Variants in TRPC7 observed in about 807,000 individuals in gnomAD.
TRPC7 encodes transient receptor potential cation channel subfamily C member 7.
A neutral mutation model predicts 90.1 loss-of-function variants in TRPC7; 42 were observed. The observed-to-expected ratio is 0.47, with a 90% CI of 0.36 to 0.60. TRPC7 has a LOEUF of 0.60. Among genes scored for constraint, TRPC7 ranks in the 20% least tolerant of loss-of-function variants. TRPC7 has a pLI of 0.00. For synonymous variants in TRPC7, 451 were observed against 436.3 expected (o/e 1.03, Z -0.42); for missense variants, 955 against 1,112.3 (o/e 0.86, Z 2.01).
At chr5:136,349,851 G>A (rs1292052597) in intron 2 of TRPC7, among the ~76,000 whole-genome samples, 2 of 152,162 alleles carry the variant, frequency 1.3e-5, no homozygotes, top group Non-Finnish European at 2.9e-5. Flanking sequence ...CTGCATATAT[G>A]ACAGTGGTCC....
At chr5:136,297,286 T>C (rs945753131) in intron 3 of TRPC7, among the ~76,000 whole-genome samples, 2 of 152,164 alleles carry the variant, frequency 1.3e-5, no homozygotes, top group Non-Finnish European at 2.9e-5. Context: ...ATTTATTCTA[T>C]ATTGTCCACA....
chr5:136,342,585 G>C (rs1359555485), intron 2 of TRPC7, among the ~76,000 whole-genome samples: 3 of 152,090 alleles, frequency 2.0e-5, no homozygotes, highest in Non-Finnish European at 4.4e-5. Context: ...TCAGTCCCTG[G>C]GGCCTACCCT....
intron 3 of TRPC7, among the ~76,000 whole-genome samples, chr5:136,279,077 C>T (rs1289756455): frequency 2.6e-5 from 4 of 152,132 alleles, no homozygotes; most frequent in African/African-American, 9.7e-5. Context: ...CACGGATATT[C>T]AATATCAACT....
intron 4 of TRPC7, among the ~76,000 whole-genome samples, chr5:136,273,871 T>C (rs755514165): frequency 7.9e-5 from 12 of 152,240 alleles, no homozygotes; most frequent in Non-Finnish European, 1.3e-4. Flanking sequence ...GCACTGACTC[T>C]TCCCCGAAGC....
intron 3 of TRPC7, among the ~76,000 whole-genome samples, chr5:136,309,055 G>C (rs1410506457): frequency 6.6e-6 from 1 of 152,194 alleles, no homozygotes; most frequent in African/African-American, 2.4e-5. Flanking sequence ...CAACTGTAGA[G>C]CTAGGGGCAA....
intron 4 of TRPC7, among the ~76,000 whole-genome samples, chr5:136,272,485 G>T (rs995603476): frequency 3.3e-5 from 5 of 152,166 alleles, no homozygotes; most frequent in Non-Finnish European, 5.9e-5. Context: ...CTCAGAGCAA[G>T]TTCAACAGCT....
At position 136,300,668 on chromosome 5, in the gene TRPC7, G is replaced by A. The variant is rs184052645; in HGVS notation, c.963+14929C>T. On this transcript the variant is annotated intron_variant, in intron 3 of 11. Transcript: ENST00000513104. The stretch of plus-strand genomic sequence containing the variant: ...AGAGTGACAAACCCCAAAGGGACAC[G>A]GGTCAGCAATGAAGGACATGGAGAT... 3.9e-3 allele frequency among the ~76,000 whole-genome samples: 589 copies of A among 152,296 alleles called. 2 individuals carry two copies. Among genetic ancestry groups the A allele is most frequent in the Admixed American group, 6.3e-3 (97 of 15,300 alleles).
At chr5:136,260,265 A>G (rs1166218317) in intron 5 of TRPC7, among the ~76,000 whole-genome samples, 6 of 152,220 alleles carry the variant, frequency 3.9e-5, no homozygotes, top group Admixed American at 3.9e-4. Flanking sequence ...GTATTAATTG[A>G]GACAGGCAGG....
chr5:136,337,522 T>A (rs1051579165), intron 2 of TRPC7, among the ~76,000 whole-genome samples: 8 of 152,026 alleles, frequency 5.3e-5, no homozygotes, highest in African/African-American at 1.9e-4. Flanking sequence ...AAAAATTAGC[T>A]GGGTGTGGTG....
intron 1 of TRPC7, among the ~76,000 whole-genome samples, chr5:136,360,399 CTT>C (rs1419591611): frequency 2.6e-5 from 4 of 152,170 alleles, no homozygotes; most frequent in African/African-American, 9.7e-5. Context: ...AGTCCTAAGA[CTT>C]TGGACAAATA....
At chr5:136,219,076 AG>A (rs1470541010) in intron 10 of TRPC7, among the ~76,000 whole-genome samples, 1 of 152,188 alleles carries the variant, frequency 6.6e-6, no homozygotes, top group Non-Finnish European at 1.5e-5. Flanking sequence ...TTAGTCAAAG[AG>A]GGTTTGGGCT....
chr5:136,295,550 C>A (rs1056312889), intron 3 of TRPC7, among the ~76,000 whole-genome samples: 5 of 152,120 alleles, frequency 3.3e-5, no homozygotes, highest in Non-Finnish European at 7.3e-5. Flanking sequence ...GTGCCCCAGT[C>A]CCCTCCCCGT....
chr5:136,220,562 C>T (rs529458464), intron 10 of TRPC7, among the ~76,000 whole-genome samples: 5 of 152,238 alleles, frequency 3.3e-5, no homozygotes, highest in South Asian at 4.2e-4. Flanking sequence ...TTTTTGCTCT[C>T]GAACCCTGTT....
intron 5 of TRPC7, among the ~76,000 whole-genome samples, chr5:136,257,669 C>G (rs2149808586): frequency 6.6e-6 from 1 of 152,154 alleles, no homozygotes; most frequent in South Asian, 2.1e-4. Context: ...TTTTTGTTAA[C>G]AAAGCTATGT....
intron 2 of TRPC7, among the ~76,000 whole-genome samples, chr5:136,329,186 T>A (rs1332866563): frequency 6.6e-6 from 1 of 152,166 alleles, no homozygotes; most frequent in Non-Finnish European, 1.5e-5. Flanking sequence ...TTTTAACAAG[T>A]CCCCTCTGTT....
At chr5:136,350,184 C>T (rs1308909298) in intron 2 of TRPC7, among the ~76,000 whole-genome samples, 1 of 152,182 alleles carries the variant, frequency 6.6e-6, no homozygotes, top group East Asian at 1.9e-4. Context: ...TGACTGTATC[C>T]TACCCTCCAT....
At chr5:136,240,703 G>A (rs1488563275) in intron 7 of TRPC7, among the ~76,000 whole-genome samples, 1 of 152,128 alleles carries the variant, frequency 6.6e-6, no homozygotes, top group Non-Finnish European at 1.5e-5. Context: ...GGTGGAGGAT[G>A]GGCTTGGACT....
At chr5:136,216,824 A>C (rs2149791937) in intron 10 of TRPC7, among the ~76,000 whole-genome samples, 1 of 152,318 alleles carries the variant, frequency 6.6e-6, no homozygotes, top group Admixed American at 6.5e-5. Flanking sequence ...TTCCTACCAG[A>C]AGCAGAAGCA....
chr5:136,235,274 A>C (rs1431466605), intron 7 of TRPC7, among the ~76,000 whole-genome samples: 1 of 152,186 alleles, frequency 6.6e-6, no homozygotes, highest in Non-Finnish European at 1.5e-5. Flanking sequence ...AAAGGAAAAA[A>C]TTTTCAGTGA....
Sources: allele counts gnomAD v4.1 joint callset (sites outside exome capture counted in the v4.1 genomes callset), GRCh38; gene constraint gnomAD v4.1.1; transcripts MANE v1.5; gene names NCBI Gene and HGNC (gene_info 2026-07-23, HGNC 2026-07-21).